Variants in LRRC31 observed in about 807,000 individuals in gnomAD.
LRRC31 encodes the protein leucine rich repeat containing 31.
Under a neutral mutation model 46.7 loss-of-function variants are expected in LRRC31, and 35 were observed. The observed-to-expected ratio is 0.75, with a 90% CI of 0.57 to 0.99. The LOEUF (loss-of-function observed/expected upper bound fraction) is 0.99. Among genes scored for constraint, LRRC31 ranks in the 50% least tolerant of loss-of-function variants. The pLI is 0.00. For missense variants in LRRC31, 613 were observed against 626.1 expected (o/e 0.98, Z 0.22); for synonymous variants, 236 against 235.1 (o/e 1.00, Z -0.03).
chr3:169,864,185 T>C (rs1576802411), intron 1 of LRRC31, among the ~76,000 whole-genome samples: 1 of 152,194 alleles, frequency 6.6e-6, no homozygotes, highest in East Asian at 1.9e-4. Flanking sequence ...CTGTCAAGCA[T>C]TTCCTTTACT....
At position 169,848,203 on chromosome 3, in the gene LRRC31, A is replaced by G. The variant is rs1780660827; in HGVS notation, c.1244T>C (p.Leu415Pro). 4 of 1,614,250 alleles carry G rather than the reference A, an allele frequency of 2.5e-6. No individual in the cohort carries two copies. Among genetic ancestry groups the G allele is most frequent in the Non-Finnish European group, 3.4e-6 (4 of 1,180,040 alleles). The change falls in exon 8 of 9, where the codon CTG (leucine) becomes CCG (proline). Residue 415 changes from leucine to proline, a missense_variant. By Grantham distance (98) the Leu-to-Pro change is moderately conservative. Coordinates refer to ENST00000316428, the MANE Select transcript of LRRC31 (RefSeq NM_024727.4). ...AGACATGGAAAGCTTTAGTGTTTCC[A>G]GAAGCAGCTTCAAGTTGCCACCAAC... ...KCVGGNLKLL[L>P]ETLKLSMSLQ...
intron 1 of LRRC31, among the ~76,000 whole-genome samples, chr3:169,867,305 A>G (rs1359899867): frequency 1.5e-5 from 2 of 134,194 alleles, no homozygotes; most frequent in Non-Finnish European, 3.0e-5. Context: ...ACTGGAGTGC[A>G]GTGGCGCAGT....
intron 7 of LRRC31, among the ~76,000 whole-genome samples, chr3:169,850,020 G>A (rs1468122818): frequency 6.6e-6 from 1 of 152,094 alleles, no homozygotes; most frequent in African/African-American, 2.4e-5. Flanking sequence ...TGCTGGATTT[G>A]GGTGCTTCCT....
At chr3:169,868,253 C>T (rs920004128) in intron 1 of LRRC31, among the ~76,000 whole-genome samples, 4 of 152,178 alleles carry the variant, frequency 2.6e-5, no homozygotes, top group Non-Finnish European at 5.9e-5. Flanking sequence ...TAGGCTCAGT[C>T]GTATCTAAAG....
chr3:169,841,141 GTTCTTTC>G (rs1227614951), intron 8 of LRRC31, among the ~76,000 whole-genome samples: 1 of 152,202 alleles, frequency 6.6e-6, no homozygotes, highest in Non-Finnish European at 1.5e-5. Flanking sequence ...TGGCTGAACT[GTTCTTTC>G]AAGTTTGCCC....
At chr3:169,854,728 T>C (rs1397143873) in intron 6 of LRRC31, 85 bp downstream of exon 6, 5 of 1,006,062 alleles carry the variant, frequency 5.0e-6, no homozygotes, top group Non-Finnish European at 7.5e-6. Flanking sequence ...GAAGTAAATT[T>C]AAGTGTACAT....
chr3:169,852,952 A>T (rs1343015349), intron 6 of LRRC31, among the ~76,000 whole-genome samples: 1 of 152,254 alleles, frequency 6.6e-6, no homozygotes, highest in Non-Finnish European at 1.5e-5. Context: ...TACCTGAAAC[A>T]TCAGAGGTAC....
intron 3 of LRRC31, among the ~76,000 whole-genome samples, chr3:169,860,199 G>A (rs541147545): frequency 5.9e-5 from 9 of 151,758 alleles, no homozygotes; most frequent in African/African-American, 1.9e-4. Context: ...GCAGGGACCT[G>A]GTCAGCCTTG....
At chr3:169,863,213 ACAT>A (rs1277084964) in intron 1 of LRRC31, among the ~76,000 whole-genome samples, 2 of 152,166 alleles carry the variant, frequency 1.3e-5, no homozygotes, top group Admixed American at 1.3e-4. Context: ...TACATAAAAC[ACAT>A]CATACTTTTC....
At chr3:169,869,118 C>A (rs571122760) in intron 1 of LRRC31, among the ~76,000 whole-genome samples, 1 of 150,944 alleles carries the variant, frequency 6.6e-6, no homozygotes, top group African/African-American at 2.4e-5. Flanking sequence ...CACCTGTAAT[C>A]CCAGCAGTTT....
rs923309441 is a variant in LRRC31, at chr3:169,865,463, G to A, written c.176-3650C>T. 4.6e-5 allele frequency among the ~76,000 whole-genome samples: 7 copies of A among 152,216 alleles called. No homozygotes were observed. The East Asian group carries it at 7.7e-4, about 17-fold the overall frequency. ...TGTGTTAGCTCTGAACAAAGCTCTC[G>A]GTTCTTAGTGCTCTCACTAAGTTCC... On this transcript the variant is annotated intron_variant, in intron 1 of 8. Coordinates refer to ENST00000316428, the MANE Select transcript of LRRC31 (RefSeq NM_024727.4).
chr3:169,868,680 G>A lies in LRRC31; in HGVS notation c.175+953C>T, dbSNP rs560828017. Among the ~76,000 whole-genome samples, 4 of 152,222 alleles carry A rather than the reference G, an allele frequency of 2.6e-5. No individual in the cohort carries two copies. In the East Asian group the frequency reaches 7.7e-4, roughly 29 times the overall value. On this transcript the variant is annotated intron_variant, in intron 1 of 8. Coordinates refer to ENST00000316428, the MANE Select transcript of LRRC31 (RefSeq NM_024727.4). ...TTGTGTTATAATGAAAGGAAATTCA[G>A]TATTTTCCCTACATTTTTCTGTAGT...
At chr3:169,843,194 G>T (rs973288369) in intron 8 of LRRC31, among the ~76,000 whole-genome samples, 1 of 152,236 alleles carries the variant, frequency 6.6e-6, no homozygotes, top group Non-Finnish European at 1.5e-5. Context: ...GATTTAAAGT[G>T]TGAGAGGCAC....
intron 1 of LRRC31, 94 bp downstream of exon 1, chr3:169,869,539 T>C: frequency 8.9e-7 from 1 of 1,129,372 alleles, no homozygotes; most frequent in Non-Finnish European, 1.2e-6. Context: ...ACACCTACTA[T>C]GTACCCACAA....
chr3:169,857,820 T>C (rs1430813648), intron 3 of LRRC31, among the ~76,000 whole-genome samples: 2 of 152,142 alleles, frequency 1.3e-5, no homozygotes, highest in Non-Finnish European at 2.9e-5. Context: ...ATTCCATGGA[T>C]TAAGGTTTTA....
rs551428608 is a variant in LRRC31, at chr3:169,868,911, T to C, written c.175+722A>G. Among the ~76,000 whole-genome samples, 112 of 152,064 alleles carry C rather than the reference T, an allele frequency of 7.4e-4. 2 individuals are homozygous for C. In the South Asian group the frequency reaches 0.023, roughly 31 times the overall value. ...AGGCTGGGAAGGGTGTGTGTGTTGTTGGTGGGGGAGGTGTGGATGGTTAAT... is the reference window on the plus strand; with the variant it reads ...AGGCTGGGAAGGGTGTGTGTGTTGTCGGTGGGGGAGGTGTGGATGGTTAAT... On this transcript the variant is annotated intron_variant, in intron 1 of 8. Transcript: ENST00000316428.
chr3:169,841,873 C>T (rs994981316), intron 8 of LRRC31, among the ~76,000 whole-genome samples: 7 of 151,828 alleles, frequency 4.6e-5, no homozygotes, highest in African/African-American at 9.7e-5. Flanking sequence ...AGTGAAACCC[C>T]GTCTCTACTA....
intron 1 of LRRC31, among the ~76,000 whole-genome samples, chr3:169,866,997 G>T (rs1206007518): frequency 1.5e-5 from 2 of 130,108 alleles, no homozygotes; most frequent in African/African-American, 5.9e-5. Context: ...GCCATGGGTT[G>T]ATTTTTTTTT....
intron 8 of LRRC31, among the ~76,000 whole-genome samples, chr3:169,840,585 G>A (rs9831336): frequency 6.6e-6 from 1 of 151,604 alleles, no homozygotes. Context: ...ACTGAAGTCC[G>A]AGCTCTTCCT....
Sources: gnomAD v4.1 joint callset for allele counts (sites outside exome capture counted in the v4.1 genomes callset) on GRCh38, gnomAD v4.1.1 for gene constraint, MANE v1.5 for transcripts, NCBI Gene and HGNC (gene_info 2026-07-23, HGNC 2026-07-21) for gene names.